Variants in AKAP6 observed in about 807,000 individuals in gnomAD.
AKAP6 encodes A-kinase anchoring protein 6, also known as A-kinase anchor protein 6.
A neutral mutation model predicts 188.5 loss-of-function variants in AKAP6; 58 were observed. That is an observed-to-expected ratio of 0.31 (90% confidence interval 0.25 to 0.38). The LOEUF (loss-of-function observed/expected upper bound fraction) is 0.38. AKAP6 is among the 10% of genes least tolerant of loss of function. AKAP6 has a pLI of 1.00. For synonymous variants in AKAP6, 989 were observed against 998.6 expected (o/e 0.99, Z 0.18); for missense variants, 2,710 against 2,740.0 (o/e 0.99, Z 0.24).
intron 7 of AKAP6, among the ~76,000 whole-genome samples, chr14:32,645,026 A>G (rs542583750): frequency 7.2e-5 from 11 of 152,274 alleles, no homozygotes; most frequent in African/African-American, 2.4e-4. Context: ...TGACCAGCCT[A>G]AATCTTCTAT....
At chr14:32,796,193 G>A (rs940776671) in intron 12 of AKAP6, among the ~76,000 whole-genome samples, 1 of 152,138 alleles carries the variant, frequency 6.6e-6, no homozygotes, top group Admixed American at 6.6e-5. Context: ...TATGAAAATG[G>A]CCATACTGCC....
At chr14:32,395,801 T>C (rs1594573991) in intron 1 of AKAP6, among the ~76,000 whole-genome samples, 1 of 152,302 alleles carries the variant, frequency 6.6e-6, no homozygotes, top group East Asian at 1.9e-4. Flanking sequence ...AACATATATA[T>C]AGTGTGGGCA....
At chr14:32,404,398 A>G (rs1889204882) in intron 1 of AKAP6, among the ~76,000 whole-genome samples, 3 of 151,918 alleles carry the variant, frequency 2.0e-5, no homozygotes, top group Admixed American at 2.0e-4. Context: ...TAAGTGAGGC[A>G]GTTTGTCAGA....
chr14:32,436,146 A>G (rs1957013), intron 2 of AKAP6, among the ~76,000 whole-genome samples: 94,858 of 152,092 alleles, frequency 0.62, 31,808 homozygotes, highest in African/African-American at 0.88. Context: ...GGGCATCTTA[A>G]CTTGGCTCCT....
intron 2 of AKAP6, among the ~76,000 whole-genome samples, chr14:32,482,852 G>A (rs1284645498): frequency 3.3e-5 from 5 of 152,190 alleles, no homozygotes; most frequent in Middle Eastern, 3.4e-3. Flanking sequence ...TCTATTAATG[G>A]AGGTTTTATG....
intron 5 of AKAP6, among the ~76,000 whole-genome samples, chr14:32,586,138 G>C (rs1211698996): frequency 6.6e-6 from 1 of 152,104 alleles, no homozygotes; most frequent in Non-Finnish European, 1.5e-5. Flanking sequence ...TTTGGGTATA[G>C]TATTTGAAGG....
chr14:32,833,553 A>G lies in AKAP6; in HGVS notation c.*3748A>G, dbSNP rs1021992467. The G allele has an allele frequency of 1.3e-5, 2 of 152,200 alleles. No homozygotes were observed. The highest frequency in any genetic ancestry group is 2.1e-4 in the South Asian group (1 of 4,826). 9.4% of individuals were successfully genotyped at this position (152,200 alleles called of 1,614,324 possible). ...ATACAACACAGAACAACCTAAATTT[A>G]GGGCTTCTGGAAACCTGAGTTTGAT... On this transcript the variant is annotated 3_prime_UTR_variant, in exon 14 of 14. Coordinates refer to ENST00000280979, the MANE Select transcript of AKAP6 (RefSeq NM_004274.5).
chr14:32,360,250 C>T (rs1208766882), intron 1 of AKAP6, among the ~76,000 whole-genome samples: 3 of 151,974 alleles, frequency 2.0e-5, no homozygotes, highest in Admixed American at 6.6e-5. Context: ...GCCTCAGCCT[C>T]CTGAGTAGCT....
Position 32,734,859 on chromosome 14 carries a change from G to A in AKAP6, c.3148-799G>A, listed in dbSNP as rs566420965. Among the ~76,000 whole-genome samples, 5 of 152,104 alleles carry A rather than the reference G, an allele frequency of 3.3e-5. No homozygotes were observed. The South Asian group carries it at 8.3e-4, about 25-fold the overall frequency. The stretch of plus-strand genomic sequence containing the variant: ...TTATGTTTTAAAGCTTATTTTTGTA[G>A]GTTTAATGCATCATTATAGATTTAA... On this transcript the variant is annotated intron_variant, in intron 10 of 13. Coordinates refer to ENST00000280979, the MANE Select transcript of AKAP6 (RefSeq NM_004274.5).
intron 12 of AKAP6, among the ~76,000 whole-genome samples, chr14:32,789,646 G>T (rs1296382955): frequency 6.6e-6 from 1 of 152,196 alleles, no homozygotes; most frequent in Non-Finnish European, 1.5e-5. Flanking sequence ...TGCTAGAGTG[G>T]CCTGACCGTT....
chr14:32,420,239 A>G (rs1295456431), intron 1 of AKAP6, among the ~76,000 whole-genome samples: 1 of 152,090 alleles, frequency 6.6e-6, no homozygotes, highest in African/African-American at 2.4e-5. Flanking sequence ...AAACAATAGG[A>G]TGGTATGGCT....
At chr14:32,348,260 G>A (rs902205004) in intron 1 of AKAP6, among the ~76,000 whole-genome samples, 1 of 152,190 alleles carries the variant, frequency 6.6e-6, no homozygotes, top group African/African-American at 2.4e-5. Flanking sequence ...TAGGTTTTAG[G>A]ATAGAGCAAG....
intron 9 of AKAP6, among the ~76,000 whole-genome samples, chr14:32,723,895 A>G (rs796238278): frequency 1.4e-4 from 22 of 152,188 alleles, no homozygotes; most frequent in African/African-American, 5.3e-4. Flanking sequence ...CCTTGATATC[A>G]TCTGCCTGGT....
At chr14:32,518,046 T>G (rs192137194) in intron 2 of AKAP6, among the ~76,000 whole-genome samples, 1 of 152,318 alleles carries the variant, frequency 6.6e-6, no homozygotes, top group Non-Finnish European at 1.5e-5. Flanking sequence ...CAACATTTGC[T>G]GTTCTGCAGC....
intron 3 of AKAP6, among the ~76,000 whole-genome samples, chr14:32,539,501 C>T (rs1594723099): frequency 6.6e-6 from 1 of 152,018 alleles, no homozygotes; most frequent in Non-Finnish European, 1.5e-5. Context: ...GCACATAGTT[C>T]ATATTGCTGT....
intron 8 of AKAP6, among the ~76,000 whole-genome samples, chr14:32,690,088 C>CACACAA (rs1890111880): frequency 6.9e-6 from 1 of 145,624 alleles, no homozygotes; most frequent in Non-Finnish European, 1.6e-5. Flanking sequence ...CACACACACA[C>CACACAA]ACACACACAC....
At chr14:32,330,750 A>G (rs1594508968) in intron 1 of AKAP6, among the ~76,000 whole-genome samples, 1 of 104,000 alleles carries the variant, frequency 9.6e-6, no homozygotes, top group Non-Finnish European at 1.8e-5. Context: ...TTTTGCACAG[A>G]GTTAAGTATG....
At chr14:32,642,349 T>C (rs7146490) in intron 7 of AKAP6, among the ~76,000 whole-genome samples, 1 of 152,208 alleles carries the variant, frequency 6.6e-6, no homozygotes, top group Admixed American at 6.5e-5. Flanking sequence ...ATTTACACAG[T>C]TTTTGTCAAA....
At chr14:32,627,159 C>T (rs1053025933) in intron 7 of AKAP6, among the ~76,000 whole-genome samples, 1 of 152,124 alleles carries the variant, frequency 6.6e-6, no homozygotes, top group Non-Finnish European at 1.5e-5. Context: ...AATGTACCAT[C>T]AAATGCTCAG....
Sources: gnomAD v4.1 joint callset for allele counts (sites outside exome capture counted in the v4.1 genomes callset) on GRCh38, gnomAD v4.1.1 for gene constraint, MANE v1.5 for transcripts, NCBI Gene and HGNC (gene_info 2026-07-23, HGNC 2026-07-21) for gene names.